The following RYR3 variants were observed in gnomAD, a reference collection of about 807,000 sequenced individuals.
RYR3 encodes ryanodine receptor 3.
Under a neutral mutation model 584.3 loss-of-function variants are expected in RYR3, and 207 were observed. That is an observed-to-expected ratio of 0.35 (90% CI 0.32 to 0.40). The LOEUF (loss-of-function observed/expected upper bound fraction) is 0.40. Among genes scored for constraint, RYR3 ranks in the 10% least tolerant of loss-of-function variants. The pLI, the probability that RYR3 is intolerant of heterozygous loss-of-function variation, is 1.00. For missense variants in RYR3, 5,616 were observed against 6,089.2 expected (o/e 0.92, Z 2.59); for synonymous variants, 2,416 against 2,248.5 (o/e 1.07, Z -2.11).
At chr15:33,569,020 T>TTGTGTGTGTGTGTGCGTGTA (rs1192703449) in intron 12 of RYR3, among the ~76,000 whole-genome samples, 1 of 151,890 alleles carries the variant, frequency 6.6e-6, no homozygotes, top group African/African-American at 2.4e-5. Context: ...AAGAGTATTC[T>TTGTGTGTGTGTGTGCGTGTA]TGTGTGTGTG....
intron 3 of RYR3, among the ~76,000 whole-genome samples, chr15:33,512,429 G>A (rs1468275306): frequency 6.6e-6 from 1 of 152,184 alleles, no homozygotes; most frequent in African/African-American, 2.4e-5. Flanking sequence ...CTTTTCAAGT[G>A]AAAGAGCCCA....
intron 1 of RYR3, among the ~76,000 whole-genome samples, chr15:33,399,266 A>G (rs934286643): frequency 1.5e-4 from 23 of 152,328 alleles, no homozygotes; most frequent in Middle Eastern, 3.4e-3. Context: ...CAGCATTTAT[A>G]GCGCTATTAA....
At chr15:33,857,935 G>A (rs745910822) in intron 99 of RYR3, 21 bp downstream of exon 99, 3 of 1,379,638 alleles carry the variant, frequency 2.2e-6, no homozygotes, top group East Asian at 4.5e-5. Flanking sequence ...ACCCACTGCG[G>A]GGCCAGCCCA....
At chr15:33,719,986 A>G (rs2067788216) in intron 43 of RYR3, among the ~76,000 whole-genome samples, 1 of 152,162 alleles carries the variant, frequency 6.6e-6, no homozygotes, top group Non-Finnish European at 1.5e-5. Context: ...ATAAAAACTG[A>G]TTGTTTTTTA....
chr15:33,398,372 TTACTC>T (rs1350748353), intron 1 of RYR3, among the ~76,000 whole-genome samples: 1 of 152,176 alleles, frequency 6.6e-6, no homozygotes, highest in Non-Finnish European at 1.5e-5. Context: ...TGTCGCATCT[TTACTC>T]TAAAGAACAT....
intron 18 of RYR3, among the ~76,000 whole-genome samples, chr15:33,608,734 A>G (rs1052007503): frequency 6.6e-6 from 1 of 152,206 alleles, no homozygotes; most frequent in Non-Finnish European, 1.5e-5. Flanking sequence ...CTATGGATTC[A>G]ATTTGCTTAT....
chr15:33,837,735 C>G lies in RYR3; in HGVS notation c.11755C>G (p.Leu3919Val), dbSNP rs372530911. The G allele has an allele frequency of 9.3e-6, 15 of 1,613,310 alleles. No homozygotes were observed. Among genetic ancestry groups the G allele is most frequent in the Non-Finnish European group, 1.3e-5 (15 of 1,179,638 alleles). The stretch of plus-strand genomic sequence containing the variant: ...GAAATTCTTTGACATGTTCTTGAAA[C>G]TTAAAGACTTAACCAGCTCAGACAC... Reference protein sequence around the residue: ...ILKFFDMFLKLKDLTSSDTFK... With the variant: ...ILKFFDMFLKVKDLTSSDTFK... The change falls in exon 89 of 104, where the codon CTT becomes GTT. Residue 3919 changes from leucine (L) to valine (V), a missense_variant. Coordinates refer to ENST00000634891, the MANE Select transcript of RYR3 (RefSeq NM_001036.6).
chr15:33,647,375 G>T (rs1294855029), intron 29 of RYR3, 49 bp from the exon 30 acceptor site: 1 of 1,494,058 alleles, frequency 6.7e-7, no homozygotes, highest in Non-Finnish European at 9.3e-7. Flanking sequence ...GGAACTGTGG[G>T]ATTCTCAATA....
At chr15:33,500,577 A>G (rs1170848113) in intron 2 of RYR3, among the ~76,000 whole-genome samples, 1 of 152,132 alleles carries the variant, frequency 6.6e-6, no homozygotes, top group East Asian at 1.9e-4. Flanking sequence ...CTCTAGGTTC[A>G]GGGCAGGGCT....
intron 69 of RYR3, among the ~76,000 whole-genome samples, chr15:33,806,607 C>T (rs1311771913): frequency 6.6e-6 from 1 of 151,974 alleles, no homozygotes; most frequent in African/African-American, 2.4e-5. Context: ...TGTGACAGAA[C>T]AAATAAAACT....
chr15:33,463,553 G>T (rs1441487341), intron 1 of RYR3, among the ~76,000 whole-genome samples: 3 of 152,030 alleles, frequency 2.0e-5, no homozygotes, highest in South Asian at 4.2e-4. Flanking sequence ...TATTTCTGGA[G>T]AAAAATGTCA....
chr15:33,769,182 C>T lies in RYR3; in HGVS notation c.8816+10C>T. The T allele has an allele frequency of 6.3e-7, 1 of 1,598,618 alleles. No homozygotes were observed. The highest frequency in any genetic ancestry group is 8.6e-7 in the Non-Finnish European group (1 of 1,166,310). On this transcript the variant is annotated intron_variant, in intron 62 of 103. Transcript: ENST00000634891. ...AGACACTTGACACAAGGTAAGTCTG[C>T]CCAGTTTTTCCCAATAGTTTCTCAT...
chr15:33,762,862 A>C (rs1303704555), intron 60 of RYR3, among the ~76,000 whole-genome samples: 4 of 152,224 alleles, frequency 2.6e-5, no homozygotes, highest in Non-Finnish European at 5.9e-5. Context: ...ACCTGACTTC[A>C]CACTATGCTA....
intron 94 of RYR3, chr15:33,850,594 T>G (rs1481992709): frequency 1.3e-5 from 2 of 151,256 alleles, no homozygotes; most frequent in Non-Finnish European, 2.9e-5. Context: ...GGCATCATAG[T>G]ACATGTTCAT....
Position 33,662,586 on chromosome 15 carries a change from A to G in RYR3, c.5056A>G (p.Ile1686Val). Residue 1686 changes from isoleucine to valine, a missense_variant, in exon 35 of 104, where the codon ATT (isoleucine) becomes GTT (valine). Ile to Val is a conservative substitution (Grantham distance 29, BLOSUM62 3). This residue lies in a region of RYR3 where 753 missense variants were observed against 741.0 expected (regional missense o/e 1.02). Transcript: ENST00000634891. ...GEDHQKQSPE[I>V]PLESLRTKAL... ...GGATCACCAAAAGCAGAGCCCCGAG[A>G]TTCCCTTGGAGAGTCTCAGGACGAA... is the stretch of plus-strand genomic sequence containing the variant. 6.2e-7 allele frequency: 1 copy of G among 1,613,988 alleles called. No homozygotes were observed. Among genetic ancestry groups the G allele is most frequent in the East Asian group, 2.2e-5 (1 of 44,874 alleles).
intron 3 of RYR3, among the ~76,000 whole-genome samples, chr15:33,517,819 A>G (rs905515401): frequency 2.0e-5 from 3 of 152,210 alleles, no homozygotes; most frequent in Admixed American, 6.5e-5. Flanking sequence ...GCCAAGTCCA[A>G]TTGGCCTGAG....
Position 33,550,170 on chromosome 15 carries a change from A to G in RYR3, c.826A>G (p.Ser276Gly), listed in dbSNP as rs1198564833. ...VEPLRISWSG[S>G]NIRWGQAFRL... ...GTTTCATCTGCCCAGCTGGAGTGGC[A>G]GTAACATCAGATGGGGCCAGGCTTT... The change falls in exon 10 of 104, where the codon AGT becomes GGT. Residue 276 changes from serine to glycine, a missense_variant. Around this residue, in one of 9 missense-constraint regions of RYR3, gnomAD observed 1,284 missense variants for 1,344.6 expected, o/e 0.95. Coordinates refer to ENST00000634891, the MANE Select transcript of RYR3 (RefSeq NM_001036.6). The G allele has an allele frequency of 1.2e-6, 2 of 1,612,346 alleles. No homozygotes were observed. The highest frequency in any genetic ancestry group is 1.7e-6 in the Non-Finnish European group (2 of 1,179,486).
At chr15:33,669,870 G>GT (rs60668915) in intron 37 of RYR3, among the ~76,000 whole-genome samples, 2,854 of 47,540 alleles carry the variant, frequency 0.06, 204 homozygotes, top group African/African-American at 0.15. Flanking sequence ...GTGGGTGTGT[G>GT]GGTGTGTGTG....
At position 33,628,454 on chromosome 15, in the gene RYR3, T is replaced by C. The variant is rs1450916936; in HGVS notation, c.2575-17T>C. 6.5e-7 allele frequency: 1 copy of C among 1,540,602 alleles called. No individual in the cohort carries two copies. On this transcript the variant is annotated splice_polypyrimidine_tract_variant and intron_variant, in intron 20 of 103. Coordinates refer to ENST00000634891, the MANE Select transcript of RYR3 (RefSeq NM_001036.6). ...TTCAAAACAATCGATTCTTTTCACTTGCTCCTTTTCCTTTAGGTTATTTTG... is the reference window on the plus strand; with the variant it reads ...TTCAAAACAATCGATTCTTTTCACTCGCTCCTTTTCCTTTAGGTTATTTTG...
Sources: allele counts gnomAD v4.1 joint callset (sites outside exome capture counted in the v4.1 genomes callset), GRCh38; gene constraint gnomAD v4.1.1; regional missense constraint gnomAD v4.1.1; transcripts MANE v1.5; gene names NCBI Gene and HGNC (gene_info 2026-07-23, HGNC 2026-07-21).